The following OLFML2A variants were observed in gnomAD, a reference collection of about 807,000 sequenced individuals.
OLFML2A encodes the protein olfactomedin like 2A, also known as olfactomedin-like protein 2A.
In OLFML2A, 47 loss-of-function variants were observed where a neutral mutation model predicts 60.9. The ratio of observed to expected loss-of-function variants is 0.77; its 90% CI spans 0.61 to 0.98. The LOEUF (loss-of-function observed/expected upper bound fraction) is 0.98. Among genes scored for constraint, OLFML2A ranks in the 50% least tolerant of loss-of-function variants. The pLI is 0.00. For synonymous variants in OLFML2A, 372 were observed against 375.0 expected, an observed-to-expected ratio of 0.99 and a Z score of 0.09; for missense variants, 922 against 879.8, an observed-to-expected ratio of 1.05 and a Z score of -0.61.
chr9:124,809,465 T>C (rs4838214), intron 7 of OLFML2A, among the ~76,000 whole-genome samples: 149,087 of 152,070 alleles, frequency 0.98, 73,144 homozygotes, highest in East Asian at 1. Context: ...CCCAAGCAGA[T>C]GGCCTGGGGA....
At chr9:124,807,294 C>CTTTTTTT (rs56823893) in intron 6 of OLFML2A, among the ~76,000 whole-genome samples, 60,376 of 134,942 alleles carry the variant, frequency 0.45, 14,504 homozygotes, top group East Asian at 0.79. Context: ...TCTCCATTCT[C>CTTTTTTT]TTTTTTTTTT....
At chr9:124,786,749 GACACACACACACACACACAC>G (rs3138850) in intron 1 of OLFML2A, among the ~76,000 whole-genome samples, 64 of 129,814 alleles carry the variant, frequency 4.9e-4, no homozygotes, top group East Asian at 1.8e-3. Context: ...CAGAGACGTA[GACACACACACACACACACAC>G]ACACACACAC....
intron 2 of OLFML2A, among the ~76,000 whole-genome samples, 197 bp from the exon 3 acceptor site, chr9:124,794,827 G>C (rs145677130): frequency 1.6e-4 from 24 of 152,144 alleles, no homozygotes; most frequent in Non-Finnish European, 3.4e-4. Context: ...TCACCATGTT[G>C]GCCAGACTGG....
In OLFML2A at chr9:124,810,482, G is replaced by C. The variant is rs1841991913; in HGVS notation, c.*70G>C. ...GCTTTGCACAGCAGCTCCTGCAACT[G>C]ACCCAGTCCGCAAATATTTATTGGG... On this transcript the variant is annotated 3_prime_UTR_variant, in exon 8 of 8. Coordinates refer to ENST00000373580, the MANE Select transcript of OLFML2A (RefSeq NM_182487.4). The C allele has an allele frequency of 6.9e-7, 1 of 1,439,560 alleles. No individual in the cohort carries two copies. Among genetic ancestry groups the C allele is most frequent in the Admixed American group, 2.3e-5 (1 of 43,512 alleles). 89.2% of individuals were successfully genotyped at this position (1,439,560 alleles called of 1,614,324 possible). A position where few individuals can be genotyped will look rare whatever the true frequency, so the allele number is the denominator to read the frequency against.
Position 124,809,893 on chromosome 9 carries a change from C to A in OLFML2A, c.1440C>A (p.Arg480=). 1 of 1,614,204 alleles carries A rather than the reference C, an allele frequency of 6.2e-7. No homozygotes were observed. Among genetic ancestry groups the A allele is most frequent in the Non-Finnish European group, 8.5e-7 (1 of 1,180,022 alleles). ...ACCAGGGCGCCTTCTACTACAACCG[C>A]GCCTTCACCAAGAACATCATCAAGT... ...VVYQGAFYYN[R]AFTKNIIKYD... The change falls in exon 8 of 8, where the codon CGC becomes CGA. Residue 480 remains arginine (R), a synonymous_variant. Coordinates refer to ENST00000373580, the MANE Select transcript of OLFML2A (RefSeq NM_182487.4).
rs373758626 is a variant in OLFML2A at position 124,799,411 on chromosome 9, C to T, written c.589C>T (p.Arg197Cys). 4.1e-5 allele frequency: 66 copies of T among 1,613,556 alleles called. No individual in the cohort carries two copies. The highest frequency in any genetic ancestry group is 1.6e-4 in the Middle Eastern group (1 of 6,078). Residue 197 changes from arginine to cysteine, a missense_variant, in exon 4 of 8, where the codon CGC becomes TGC. By Grantham distance (180) the Arg-to-Cys change is radical (BLOSUM62 -3). Transcript: ENST00000373580. ...IMLGIKKELS[R>C]LGLQLLQKDA... Reference sequence around the variant, plus strand: ...GCTGGGCATCAAGAAGGAGCTGTCCCGCCTGGGCCTCCAGCTGCTGCAGAA... The same window carrying T: ...GCTGGGCATCAAGAAGGAGCTGTCCTGCCTGGGCCTCCAGCTGCTGCAGAA...
At chr9:124,804,377 C>G (rs908729029) in intron 6 of OLFML2A, 35 bp downstream of exon 6, 27 of 1,499,490 alleles carry the variant, frequency 1.8e-5, no homozygotes, top group Middle Eastern at 4.9e-4. Flanking sequence ...CACACTGTAG[C>G]CTGTGCCCAA....
rs1842033005 is a variant in OLFML2A at position 124,812,181 on chromosome 9, T to C, written c.*1769T>C. The C allele has an allele frequency of 1.3e-5, 2 of 150,118 alleles. No homozygotes were observed. The highest frequency in any genetic ancestry group is 1.3e-4 in the Admixed American group (2 of 14,892). 9.3% of individuals were successfully genotyped at this position (150,118 alleles called of 1,614,324 possible). ...AAATGCCTTTTTTTTTTTTTTTGAGTTGGAGTTTTGCTCTTGTCGCCCAGG... is the reference window on the plus strand; with the variant it reads ...AAATGCCTTTTTTTTTTTTTTTGAGCTGGAGTTTTGCTCTTGTCGCCCAGG... On this transcript the variant is annotated 3_prime_UTR_variant, in exon 8 of 8. Coordinates refer to ENST00000373580, the MANE Select transcript of OLFML2A (RefSeq NM_182487.4).
At chr9:124,778,634 AAAATT>A (rs900084304) in intron 1 of OLFML2A, among the ~76,000 whole-genome samples, 5 of 149,686 alleles carry the variant, frequency 3.3e-5, no homozygotes, top group East Asian at 2.0e-4. Flanking sequence ...AAAAAAAAAA[AAAATT>A]AAATTAAATT....
rs772508704 is a variant in OLFML2A, at chr9:124,787,134, A to T, written c.250A>T (p.Thr84Ser). ...CACGGTGGAGACTGTGAGCTCGGGCACTGACTGCCGCTGCTCCTGTACCGC... is the reference window on the plus strand; with the variant it reads ...CACGGTGGAGACTGTGAGCTCGGGCTCTGACTGCCGCTGCTCCTGTACCGC... The part of the protein sequence containing the change: ...FYTVETVSSG[T>S]DCRCSCTAPP... The change falls in exon 2 of 8, where the codon ACT (threonine) becomes TCT (serine). Residue 84 changes from threonine to serine, a missense_variant. Physicochemically the swap from Thr to Ser is moderately conservative, Grantham distance 58 (BLOSUM62 1). Transcript: ENST00000373580. 4 of 1,614,216 alleles carry T rather than the reference A, an allele frequency of 2.5e-6. No individual in the cohort carries two copies. The highest frequency in any genetic ancestry group is 3.3e-5 in the Admixed American group (2 of 60,026).
chr9:124,807,372 C>T (rs900901852), intron 6 of OLFML2A, among the ~76,000 whole-genome samples: 1 of 150,832 alleles, frequency 6.6e-6, no homozygotes, highest in African/African-American at 2.5e-5. Context: ...CAACCTCCGC[C>T]TCCTGGGTTC....
At chr9:124,788,069 G>A (rs754753016) in intron 2 of OLFML2A, among the ~76,000 whole-genome samples, 60 of 151,956 alleles carry the variant, frequency 3.9e-4, no homozygotes, top group Non-Finnish European at 6.3e-4. Context: ...GGGAGGCTGA[G>A]GCTGGAGGAT....
At chr9:124,786,810 A>G (rs1362998510) in intron 1 of OLFML2A, among the ~76,000 whole-genome samples, 165 bp from the exon 2 acceptor site, 2 of 149,178 alleles carry the variant, frequency 1.3e-5, no homozygotes, top group Non-Finnish European at 3.0e-5. Context: ...AGTTGTTATT[A>G]TTATTAAAAG....
At chr9:124,778,105 A>C (rs1171696007) in intron 1 of OLFML2A, among the ~76,000 whole-genome samples, 1 of 152,110 alleles carries the variant, frequency 6.6e-6, no homozygotes, top group Non-Finnish European at 1.5e-5. Context: ...CACGCCTGTA[A>C]TCCCAGCACT....
Position 124,810,001 on chromosome 9 carries a change from C to T in OLFML2A, c.1548C>T (p.Arg516=), listed in dbSNP as rs780615026. The T allele has an allele frequency of 4.3e-6, 7 of 1,614,010 alleles. No homozygotes were observed. The South Asian group carries it at 4.4e-5, about 10-fold the overall frequency. ...VYEDTTPWKW[R]GHSDIDFAVD... The stretch of plus-strand genomic sequence containing the variant: ...AGGACACCACACCTTGGAAGTGGCG[C>T]GGACACTCGGACATTGACTTTGCCG... The change falls in exon 8 of 8, where the codon CGC becomes CGT. Residue 516 remains arginine, a synonymous_variant. Coordinates refer to ENST00000373580, the MANE Select transcript of OLFML2A (RefSeq NM_182487.4).
intron 6 of OLFML2A, among the ~76,000 whole-genome samples, chr9:124,807,314 G>GTTTT (rs1841915618): frequency 8.6e-6 from 1 of 116,408 alleles, no homozygotes; most frequent in African/African-American, 3.5e-5. Flanking sequence ...TTTGAGAAGA[G>GTTTT]TTTCACTCTT....
intron 6 of OLFML2A, 37 bp from the exon 7 acceptor site, chr9:124,807,744 G>T (rs1841925513): frequency 6.4e-7 from 1 of 1,553,980 alleles, no homozygotes; most frequent in Non-Finnish European, 8.7e-7. Context: ...GGGCTTGGGG[G>T]TCTGTGTACC....
chr9:124,799,556 C>A (rs1430216544), intron 4 of OLFML2A, 65 bp downstream of exon 4: 2 of 1,362,072 alleles, frequency 1.5e-6, no homozygotes, highest in Non-Finnish European at 2.0e-6. Flanking sequence ...TGTGCCAGGA[C>A]GTTGGCCCTG....
intron 2 of OLFML2A, among the ~76,000 whole-genome samples, chr9:124,789,113 A>G (rs1264587130): frequency 6.6e-6 from 1 of 152,134 alleles, no homozygotes; most frequent in Admixed American, 6.5e-5. Flanking sequence ...AAATGTTTGT[A>G]GAGATGGAGT....
Sources: allele counts gnomAD v4.1 joint callset (sites outside exome capture counted in the v4.1 genomes callset), GRCh38; gene constraint gnomAD v4.1.1; transcripts MANE v1.5; gene names NCBI Gene and HGNC (gene_info 2026-07-23, HGNC 2026-07-21).